Variants in GOLGA3 observed in about 807,000 individuals in gnomAD.
GOLGA3 encodes golgin A3, also known as golgin subfamily A member 3.
Under a neutral mutation model 169.4 loss-of-function variants are expected in GOLGA3, and 75 were observed. The ratio of observed to expected loss-of-function variants is 0.44; its 90% confidence interval spans 0.37 to 0.54. The LOEUF (loss-of-function observed/expected upper bound fraction) is 0.54, where lower values mean the gene tolerates loss of function less well. GOLGA3 is among the 20% of genes least tolerant of loss of function. The pLI is 0.00. For synonymous variants in GOLGA3, 824 were observed against 822.4 expected (o/e 1.00, Z -0.03); for missense variants, 1,899 against 1,930.0 (o/e 0.98, Z 0.30).
chr12:132,786,188 G>A, intron 15 of GOLGA3, 151 bp downstream of exon 15: 1 of 599,444 alleles, frequency 1.7e-6, no homozygotes, highest in East Asian at 2.9e-5. Flanking sequence ...TGGGTTCCTG[G>A]TAACCTGGAA....
intron 6 of GOLGA3, 47 bp from the exon 7 acceptor site, chr12:132,805,069 T>C: frequency 6.4e-7 from 1 of 1,568,096 alleles, no homozygotes; most frequent in Non-Finnish European, 8.6e-7. Context: ...AACGAGTCAC[T>C]TCCATCCAGT....
intron 3 of GOLGA3, among the ~76,000 whole-genome samples, chr12:132,816,167 C>T (rs1204707297): frequency 4.6e-5 from 7 of 152,114 alleles, no homozygotes; most frequent in South Asian, 4.1e-4. Context: ...CACTGCAGTC[C>T]GGCCTGGGCG....
Position 132,805,185 on chromosome 12 carries a change from C to T in GOLGA3, c.1291-163G>A, listed in dbSNP as rs370504220. 4.9e-4 allele frequency among the ~76,000 whole-genome samples: 69 copies of T among 141,270 alleles called. 1 individual carries two copies. In the East Asian group the frequency reaches 0.011, roughly 23 times the overall value. The allele number at this position is 141,270 out of a possible 152,430, so 92.7% of individuals were successfully genotyped here. ...GACAGAGGACCCCAAGACCCCCAGG[C>T]GCTCTCCCAAGGCCTGACAGGGGAC... On this transcript the variant is annotated intron_variant, in intron 6 of 23. Coordinates refer to ENST00000450791, the MANE Select transcript of GOLGA3 (RefSeq NM_001389683.1).
At chr12:132,827,547 G>C (rs1027988655) in intron 1 of GOLGA3, 3 of 152,134 alleles carry the variant, frequency 2.0e-5, no homozygotes, top group Non-Finnish European at 4.4e-5. Context: ...TAATTATCAC[G>C]ATTTTCCCTT....
Position 132,804,578 on chromosome 12 carries a change from G to T in GOLGA3, c.1597+138C>A. The T allele has an allele frequency of 1.4e-6, 1 of 697,062 alleles. No homozygotes were observed. 43.2% of individuals were successfully genotyped at this position (697,062 alleles called of 1,614,324 possible). A position where few individuals can be genotyped will look rare whatever the true frequency, so the allele number is the denominator to read the frequency against. ...AGTCGAGGAAGGAGGGAGCAGCGGG[G>T]ACCAGTCGAGGAAGGAGGAGGGAGC... On this transcript the variant is annotated intron_variant, in intron 7 of 23. Coordinates refer to ENST00000450791, the MANE Select transcript of GOLGA3 (RefSeq NM_001389683.1). This position sits in a 1 kb window ranked among gnomAD's most constrained non-coding sequence, Gnocchi z 4.1.
chr12:132,823,091 C>G (rs900446), intron 1 of GOLGA3, among the ~76,000 whole-genome samples: 146,760 of 152,292 alleles, frequency 0.96, 70,957 homozygotes, highest in East Asian at 1. Flanking sequence ...TGTGGTAACT[C>G]TATACAGGGT....
intron 6 of GOLGA3, among the ~76,000 whole-genome samples, chr12:132,806,948 G>C (rs1949435667): frequency 3.9e-5 from 6 of 152,014 alleles, no homozygotes; most frequent in Admixed American, 3.9e-4. Context: ...CAAATATTCT[G>C]GTAGAGACGC....
intron 18 of GOLGA3, 145 bp downstream of exon 18, chr12:132,780,653 C>G (rs1317992525): frequency 4.5e-6 from 3 of 671,692 alleles, no homozygotes; most frequent in Admixed American, 2.3e-5. Flanking sequence ...AGCAGGTGCT[C>G]TGCGGCCTCC....
At chr12:132,813,979 C>T (rs1398238323) in intron 3 of GOLGA3, among the ~76,000 whole-genome samples, 2 of 151,742 alleles carry the variant, frequency 1.3e-5, no homozygotes, top group African/African-American at 4.8e-5. Flanking sequence ...CCGCCTCGGC[C>T]TCCCAAAGTG....
intron 18 of GOLGA3, among the ~76,000 whole-genome samples, chr12:132,778,240 G>A (rs1193103115): frequency 6.6e-6 from 1 of 151,934 alleles, no homozygotes; most frequent in Non-Finnish European, 1.5e-5. Flanking sequence ...TCGCGCCACT[G>A]CACTCCAGCT....
chr12:132,818,353 A>G (rs1950079429), intron 2 of GOLGA3, among the ~76,000 whole-genome samples: 1 of 152,316 alleles, frequency 6.6e-6, no homozygotes, highest in Admixed American at 6.5e-5. Flanking sequence ...TCCACTCACC[A>G]GATTCAAGCG....
At chr12:132,786,635 C>G (rs1024810422) in intron 14 of GOLGA3, 58 bp downstream of exon 14, 1 of 1,062,440 alleles carries the variant, frequency 9.4e-7, no homozygotes, top group Middle Eastern at 2.4e-4. Context: ...CGCCTCCCCC[C>G]CGGCCCCCGC....
At chr12:132,820,124 C>G (rs1036984991) in intron 2 of GOLGA3, among the ~76,000 whole-genome samples, 7 of 151,844 alleles carry the variant, frequency 4.6e-5, no homozygotes, top group African/African-American at 1.7e-4. Context: ...TGCCATGAGC[C>G]GAGATCGCAC....
chr12:132,807,373 C>T, intron 5 of GOLGA3, 85 bp from the exon 6 acceptor site: 2 of 671,720 alleles, frequency 3.0e-6, no homozygotes. Context: ...TTCCACACAC[C>T]CCTGCTGCTC....
At chr12:132,788,917 A>C in intron 13 of GOLGA3, 110 bp downstream of exon 13, 3 of 311,264 alleles carry the variant, frequency 9.6e-6, no homozygotes, top group Non-Finnish European at 1.6e-5. Context: ...CCCGACCCAG[A>C]CAGACCCCGC....
intron 10 of GOLGA3, 78 bp downstream of exon 10, chr12:132,796,461 C>T (rs1165489174): frequency 9.5e-6 from 14 of 1,476,498 alleles, no homozygotes; most frequent in South Asian, 2.6e-5. Context: ...GAGGACTGCT[C>T]GGTCTCCTTG....
chr12:132,784,717 C>A (rs1263604604), intron 15 of GOLGA3, among the ~76,000 whole-genome samples: 1 of 151,858 alleles, frequency 6.6e-6, no homozygotes, highest in East Asian at 1.9e-4. Context: ...ACACACCACA[C>A]ACACACGTGC....
rs778315750 is a variant in GOLGA3, at chr12:132,807,901, T to A, written c.1168A>T (p.Ile390Phe). 1.4e-6 allele frequency: 2 copies of A among 1,460,136 alleles called. No individual in the cohort carries two copies. Among genetic ancestry groups the A allele is most frequent in the Non-Finnish European group, 9.2e-7 (1 of 1,082,682 alleles). The allele number at this position is 1,460,136 out of a possible 1,614,324, so 90.4% of individuals were successfully genotyped here. A position where few individuals can be genotyped will look rare whatever the true frequency, so the allele number is the denominator to read the frequency against. Residue 390 changes from isoleucine to phenylalanine, a missense_variant, in exon 5 of 24, where the codon ATC becomes TTC. By Grantham distance (21) the Ile-to-Phe change is conservative. Transcript: ENST00000450791. ...NGEVRSRRDS[I>F]CSSVSLESSA... ...TGCTGTCCCCACCACCTGCTGCAGA[T>A]GCTGTCTCTCCGACTCCGCACCTCC...
At position 132,822,064 on chromosome 12, in the gene GOLGA3, G is replaced by A. The variant is rs747108024; in HGVS notation, c.65C>T (p.Ser22Phe). 6.2e-7 allele frequency: 1 copy of A among 1,606,764 alleles called. No homozygotes were observed. The change falls in exon 2 of 24, where the codon TCT becomes TTT. Residue 22 changes from serine (S) to phenylalanine (F), a missense_variant. Coordinates refer to ENST00000450791, the MANE Select transcript of GOLGA3 (RefSeq NM_001389683.1). ...GGGCTTCAGTGGGGCCTCGGGGAGA[G>A]ACGAGGGGCCACTGTGGGATCTGTC... ...QEDRSHSGPSSLPEAPLKPPG... is the reference protein window; with the variant it reads ...QEDRSHSGPSFLPEAPLKPPG...
Sources: gnomAD v4.1 joint callset for allele counts (sites outside exome capture counted in the v4.1 genomes callset) on GRCh38, gnomAD v4.1.1 for gene constraint, Gnocchi (gnomAD v3.1) non-coding constraint, MANE v1.5 for transcripts, NCBI Gene and HGNC (gene_info 2026-07-23, HGNC 2026-07-21) for gene names.